CLIP2: variants seen among roughly 807,000 people sequenced by gnomAD.
CLIP2 encodes the protein CAP-Gly domain containing linker protein 2.
Under a neutral mutation model 111.7 loss-of-function variants are expected in CLIP2, and 41 were observed. The observed-to-expected ratio is 0.37, with a 90% CI of 0.29 to 0.48. The LOEUF (loss-of-function observed/expected upper bound fraction) is 0.48, where lower values mean the gene tolerates loss of function less well. CLIP2 is among the 20% of genes least tolerant of loss of function. The pLI, the probability that CLIP2 is intolerant of heterozygous loss-of-function variation, is 0.99. For missense variants in CLIP2, 1,160 were observed against 1,422.1 expected, an observed-to-expected ratio of 0.82 and a Z score of 2.96; for synonymous variants, 660 against 644.2, an observed-to-expected ratio of 1.02 and a Z score of -0.37.
chr7:74,393,815 G>T (rs1250434111), intron 13 of CLIP2, among the ~76,000 whole-genome samples: 2 of 152,172 alleles, frequency 1.3e-5, no homozygotes, highest in Admixed American at 1.3e-4. Flanking sequence ...AAACAGATGC[G>T]ATGAGGCAAT....
intron 2 of CLIP2, among the ~76,000 whole-genome samples, chr7:74,335,186 A>C (rs1554731887): frequency 6.8e-6 from 1 of 147,744 alleles, no homozygotes. Context: ...CAGGAGAATC[A>C]CTTGAACTCA....
chr7:74,355,308 T>G (rs1324336602), intron 4 of CLIP2, among the ~76,000 whole-genome samples: 1 of 152,048 alleles, frequency 6.6e-6, no homozygotes, highest in Non-Finnish European at 1.5e-5. Flanking sequence ...CGGTTTCAAG[T>G]GAATCAGAAG....
In CLIP2 at chr7:74,372,956, C is replaced by A; in HGVS notation, c.1405C>A (p.Arg469Ser). ...GACCCAGACGCAGCTGGAGCACGCG[C>A]GCATTGGGGAGCTGGAACAGAGCCT... Reference protein sequence around the residue: ...LETQTQLEHARIGELEQSLLL... With the variant: ...LETQTQLEHASIGELEQSLLL... The change falls in exon 9 of 17, where the codon CGC (arginine) becomes AGC (serine). Residue 469 changes from arginine to serine, a missense_variant. Coordinates refer to ENST00000223398, the MANE Select transcript of CLIP2 (RefSeq NM_003388.5). 6.3e-7 allele frequency: 1 copy of A among 1,593,396 alleles called. No homozygotes were observed. Among genetic ancestry groups the A allele is most frequent in the Non-Finnish European group, 8.5e-7 (1 of 1,173,082 alleles).
chr7:74,340,805 G>C (rs1020143558), intron 3 of CLIP2, among the ~76,000 whole-genome samples: 1 of 152,116 alleles, frequency 6.6e-6, no homozygotes. Context: ...GTGAGGAGCT[G>C]TCGGTGGGGC....
Position 74,364,302 on chromosome 7 carries a change from A to C in CLIP2, c.1367A>C (p.Lys456Thr). Residue 456 changes from lysine (K) to threonine (T), a missense_variant, in exon 8 of 17, where the codon AAG (lysine) becomes ACG (threonine). By Grantham distance (78) the Lys-to-Thr change is moderately conservative (BLOSUM62 -1). Coordinates refer to ENST00000223398, the MANE Select transcript of CLIP2 (RefSeq NM_003388.5). The part of the protein sequence containing the change: ...QFRVEEESIT[K>T]GDLETQTQLE... Reference sequence around the variant, plus strand: ...CGCGTGGAGGAGGAGTCCATCACCAAGGGAGACCTGGAGGTAACAGTCAGA... The same window carrying C: ...CGCGTGGAGGAGGAGTCCATCACCACGGGAGACCTGGAGGTAACAGTCAGA... 6.2e-7 allele frequency: 1 copy of C among 1,613,628 alleles called. No homozygotes were observed. The highest frequency in any genetic ancestry group is 2.2e-5 in the East Asian group (1 of 44,870).
At chr7:74,316,234 T>TTTTTTG (rs1164870229) in intron 1 of CLIP2, among the ~76,000 whole-genome samples, 29 of 152,022 alleles carry the variant, frequency 1.9e-4, no homozygotes, top group Non-Finnish European at 3.4e-4. Context: ...ACGACTGCAT[T>TTTTTTG]TTTTTGTTTT....
intron 3 of CLIP2, among the ~76,000 whole-genome samples, chr7:74,342,333 G>A (rs1197946898): frequency 1.3e-5 from 2 of 151,778 alleles, no homozygotes; most frequent in Non-Finnish European, 2.9e-5. Flanking sequence ...CCGAGATCAC[G>A]CCATTGCACT....
chr7:74,292,003 T>C (rs1260061768), intron 1 of CLIP2, among the ~76,000 whole-genome samples: 12 of 151,688 alleles, frequency 7.9e-5, no homozygotes, highest in African/African-American at 1.2e-4. Context: ...TGGCTCACTG[T>C]AACCTCTGCC....
intron 6 of CLIP2, among the ~76,000 whole-genome samples, chr7:74,359,220 C>T (rs1042316489): frequency 3.3e-5 from 5 of 151,304 alleles, no homozygotes; most frequent in East Asian, 2.0e-4. Flanking sequence ...CAGCCCGCCT[C>T]GGCCTCCCAG....
At position 74,389,128 on chromosome 7, in the gene CLIP2, C is replaced by A. The variant is rs373439151; in HGVS notation, c.2589C>A (p.Gly863=). ...CGCTGGAGAGCAAGTGTAAGTCAGG[C>A]GAGAAGAAGGTGGACGCCCTCCTGA... ...VSALESKCKS[G]EKKVDALLKE... Residue 863 remains glycine, a synonymous_variant, in exon 13 of 17, where the codon GGC becomes GGA. Transcript: ENST00000223398. 3.3e-5 allele frequency: 53 copies of A among 1,612,314 alleles called. No individual in the cohort carries two copies. The highest frequency in any genetic ancestry group is 4.3e-5 in the Non-Finnish European group (51 of 1,179,472).
intron 1 of CLIP2, among the ~76,000 whole-genome samples, chr7:74,315,541 G>A (rs1788747906): frequency 6.6e-6 from 1 of 151,872 alleles, no homozygotes; most frequent in Non-Finnish European, 1.5e-5. Context: ...TACCACACCT[G>A]GCCCTTGTTT....
chr7:74,322,972 A>G (rs1446128043), intron 2 of CLIP2, among the ~76,000 whole-genome samples: 1 of 151,870 alleles, frequency 6.6e-6, no homozygotes, highest in Admixed American at 6.6e-5. Flanking sequence ...CTTGTGATCC[A>G]CCTGCTTCGG....
intron 2 of CLIP2, among the ~76,000 whole-genome samples, chr7:74,331,479 T>C (rs1554731281): frequency 6.6e-6 from 1 of 151,780 alleles, no homozygotes; most frequent in Non-Finnish European, 1.5e-5. Context: ...GAGGCAGGTC[T>C]TGATCCTGAC....
At chr7:74,303,585 G>T (rs917629096) in intron 1 of CLIP2, among the ~76,000 whole-genome samples, 5 of 149,204 alleles carry the variant, frequency 3.4e-5, no homozygotes, top group African/African-American at 7.5e-5. Flanking sequence ...CCCTCCCCTT[G>T]TGTCTCTTAT....
At chr7:74,380,604 A>C in intron 10 of CLIP2, 1 of 473,976 alleles carries the variant, frequency 2.1e-6, no homozygotes, top group Non-Finnish European at 3.8e-6. Flanking sequence ...AGCTGGGTGC[A>C]GAATGGGGGT....
intron 9 of CLIP2, among the ~76,000 whole-genome samples, chr7:74,374,827 A>G (rs1386590720): frequency 6.6e-6 from 1 of 152,238 alleles, no homozygotes; most frequent in Non-Finnish European, 1.5e-5. Flanking sequence ...TTGAAAATAT[A>G]TCATTTTCAT....
intron 13 of CLIP2, among the ~76,000 whole-genome samples, chr7:74,393,346 T>C (rs1311794231): frequency 7.0e-6 from 1 of 143,188 alleles, no homozygotes; most frequent in Admixed American, 7.0e-5. Context: ...GCATTTCTTT[T>C]TTTTTTTGAG....
intron 3 of CLIP2, among the ~76,000 whole-genome samples, chr7:74,346,718 CAAA>C (rs1214324954): frequency 1.8e-5 from 1 of 56,032 alleles, no homozygotes; most frequent in African/African-American, 8.1e-5. Flanking sequence ...GTAAGATTCT[CAAA>C]AAAAAAAAAA....
At chr7:74,304,535 G>C (rs1344963430) in intron 1 of CLIP2, among the ~76,000 whole-genome samples, 1 of 150,064 alleles carries the variant, frequency 6.7e-6, no homozygotes, top group Non-Finnish European at 1.5e-5. Context: ...AAAAAACCTG[G>C]GCGACAGAGG....
Sources: gnomAD v4.1 joint callset for allele counts (sites outside exome capture counted in the v4.1 genomes callset) on GRCh38, gnomAD v4.1.1 for gene constraint, MANE v1.5 for transcripts, NCBI Gene and HGNC (gene_info 2026-07-23, HGNC 2026-07-21) for gene names.